The following SPP1 variants were observed in gnomAD, a reference collection of about 807,000 sequenced individuals.
The protein encoded by SPP1 is secreted phosphoprotein 1.
A neutral mutation model predicts 20.8 loss-of-function variants in SPP1; 18 were observed. The observed-to-expected ratio is 0.87, with a 90% CI of 0.60 to 1.29. The LOEUF (loss-of-function observed/expected upper bound fraction) is 1.29. Among genes scored for constraint, SPP1 ranks in the 50% most tolerant of loss-of-function variants. The pLI is 0.00. For synonymous variants in SPP1, 146 were observed against 141.5 expected (o/e 1.03, Z -0.23); for missense variants, 363 against 389.0 (o/e 0.93, Z 0.56).
intron 4 of SPP1, 128 bp from the exon 5 acceptor site, chr4:87,980,263 TTC>T: frequency 6.8e-7 from 1 of 1,472,074 alleles, no homozygotes; most frequent in South Asian, 1.2e-5. Flanking sequence ...CCATGTTGGC[TTC>T]TCTCTGTGTT....
rs956395823 is a variant in SPP1, at chr4:87,982,949, T to G, written c.*53T>G. The G allele has an allele frequency of 6.7e-7, 1 of 1,488,158 alleles. No individual in the cohort carries two copies. The highest frequency in any genetic ancestry group is 2.3e-5 in the East Asian group (1 of 43,846). 92.2% of individuals were successfully genotyped at this position (1,488,158 alleles called of 1,614,324 possible). On this transcript the variant is annotated 3_prime_UTR_variant, in exon 7 of 7. Coordinates refer to ENST00000395080, the MANE Select transcript of SPP1 (RefSeq NM_001040058.2). Reference sequence around the variant, plus strand: ...TGCATTTAGTCAAAAGAAAAAATGCTTTATAGCAAAATGAAAGAGAACATG... The same window carrying G: ...TGCATTTAGTCAAAAGAAAAAATGCGTTATAGCAAAATGAAAGAGAACATG...
chr4:87,982,393 T>C, intron 6 of SPP1, 99 bp from the exon 7 acceptor site: 1 of 1,405,992 alleles, frequency 7.1e-7, no homozygotes, highest in East Asian at 2.4e-5. Context: ...AGACAATTTT[T>C]AGTATAAGAT....
chr4:87,982,830 A>G lies in SPP1; in HGVS notation c.879A>G (p.Glu293=), dbSNP rs925134235. 1.2e-6 allele frequency: 2 copies of G among 1,614,106 alleles called. No homozygotes were observed. The highest frequency in any genetic ancestry group is 8.5e-7 in the Non-Finnish European group (1 of 1,180,038). The change falls in exon 7 of 7, where the codon GAA becomes GAG. Residue 293 remains glutamate (E), a synonymous_variant. Coordinates refer to ENST00000395080, the MANE Select transcript of SPP1 (RefSeq NM_001040058.2). The part of the protein sequence containing the change: ...DMLVVDPKSK[E]EDKHLKFRIS... ...TGGTTGTAGACCCCAAAAGTAAGGA[A>G]GAAGATAAACACCTGAAATTTCGTA...
chr4:87,981,615 G>GTCTGATGAGTCTCACCAT lies in SPP1; in HGVS notation c.366_383dup (p.His124_Ser129dup), dbSNP rs1353423539. The GTCTGATGAGTCTCACCAT allele has an allele frequency of 6.2e-7, 1 of 1,614,196 alleles. No individual in the cohort carries two copies. The highest frequency in any genetic ancestry group is 2.2e-5 in the East Asian group (1 of 44,880). On this transcript the variant is annotated inframe_insertion, in exon 6 of 7. Transcript: ENST00000395080. ...TAGATGACACTGATGATTCTCACCA[G>GTCTGATGAGTCTCACCAT]TCTGATGAGTCTCACCATTCTGATG...
At chr4:87,978,689 C>A (rs1725513980) in intron 3 of SPP1, among the ~76,000 whole-genome samples, 1 of 151,934 alleles carries the variant, frequency 6.6e-6, no homozygotes, top group African/African-American at 2.4e-5. Context: ...GCTGTTTTTT[C>A]ATCTTCTTAA....
chr4:87,982,729 G>A lies in SPP1; in HGVS notation c.778G>A (p.Val260Met), dbSNP rs200683886. 361 of 1,614,150 alleles carry A rather than the reference G, an allele frequency of 2.2e-4. No individual in the cohort carries two copies. The highest frequency in any genetic ancestry group is 2.9e-4 in the Non-Finnish European group (344 of 1,180,030). ...TGATGAGAGCAATGAGCATTCCGATGTGATTGATAGTCAGGAACTTTCCAA... is the reference window on the plus strand; with the variant it reads ...TGATGAGAGCAATGAGCATTCCGATATGATTGATAGTCAGGAACTTTCCAA... Reference protein sequence around the residue: ...ANDESNEHSDVIDSQELSKVS... With the variant: ...ANDESNEHSDMIDSQELSKVS... Residue 260 changes from valine (V) to methionine (M), a missense_variant, in exon 7 of 7, where the codon GTG becomes ATG. Val to Met is a conservative substitution (Grantham distance 21, BLOSUM62 1). Coordinates refer to ENST00000395080, the MANE Select transcript of SPP1 (RefSeq NM_001040058.2).
chr4:87,975,974 T>C (rs1468416539), intron 1 of SPP1, among the ~76,000 whole-genome samples, 174 bp downstream of exon 1: 1 of 152,226 alleles, frequency 6.6e-6, no homozygotes, highest in Non-Finnish European at 1.5e-5. Context: ...GGTGTCTAGA[T>C]ATTTTGAATG....
intron 1 of SPP1, 116 bp downstream of exon 1, chr4:87,975,916 G>A (rs922885679): frequency 1.3e-5 from 2 of 151,550 alleles, no homozygotes; most frequent in Non-Finnish European, 2.9e-5. Flanking sequence ...AAATTTTCTA[G>A]CCTTTTTAAT....
At position 87,976,949 on chromosome 4, in the gene SPP1, AGT is replaced by A. The variant is rs1725403281; in HGVS notation, c.54+2_54+3del. 2.5e-6 allele frequency: 4 copies of A among 1,613,690 alleles called. No individual in the cohort carries two copies. Among genetic ancestry groups the A allele is most frequent in the Non-Finnish European group, 3.4e-6 (4 of 1,179,688 alleles). ...TCCTAGGCATCACCTGTGCCATACC[AGT>A]GAGTACAGTTGCATCTTAAAGAAAA... On this transcript the variant is annotated splice_donor_variant, in intron 2 of 6. Coordinates refer to ENST00000395080, the MANE Select transcript of SPP1 (RefSeq NM_001040058.2). LOFTEE classifies it high-confidence loss of function.
In SPP1 at chr4:87,982,654, G is replaced by C; in HGVS notation, c.703G>C (p.Ala235Pro). The C allele has an allele frequency of 6.2e-7, 1 of 1,614,096 alleles. No homozygotes were observed. The change falls in exon 7 of 7, where the codon GCT becomes CCT. Residue 235 changes from alanine to proline, a missense_variant. Coordinates refer to ENST00000395080, the MANE Select transcript of SPP1 (RefSeq NM_001040058.2). ...YETSQLDDQS[A>P]ETHSHKQSRL... The stretch of plus-strand genomic sequence containing the variant: ...AACGAGTCAGCTGGATGACCAGAGT[G>C]CTGAAACCCACAGCCACAAGCAGTC...
Position 87,977,070 on chromosome 4 carries a change from T to G in SPP1, c.66T>G (p.Ala22=). Residue 22 remains alanine (A), a synonymous_variant, in exon 3 of 7, where the codon GCT becomes GCG. Transcript: ENST00000395080. ...GITCAIPVKQ[A]DSGSSEEKQL... is the part of the protein sequence containing the mutation. ...TTTCTGTTTCTAAGGTTAAACAGGC[T>G]GATTCTGGAAGTTCTGAGGAAAAGC... The G allele has an allele frequency of 6.2e-7, 1 of 1,613,972 alleles. No homozygotes were observed. Among genetic ancestry groups the G allele is most frequent in the Non-Finnish European group, 8.5e-7 (1 of 1,179,950 alleles).
intron 3 of SPP1, 116 bp from the exon 4 acceptor site, chr4:87,979,930 A>T: frequency 1.1e-6 from 1 of 949,478 alleles, no homozygotes; most frequent in Non-Finnish European, 1.6e-6. Context: ...ACAAAAAGGT[A>T]CCTAAGGGTC....
At chr4:87,980,698 G>T in intron 5 of SPP1, 1 of 475,960 alleles carries the variant, frequency 2.1e-6, no homozygotes, top group African/African-American at 2.0e-5. Context: ...GTATTTTGTA[G>T]ATATCTAATA....
Position 87,983,025 on chromosome 4 carries a change from G to C in SPP1, c.*129G>C. ...TTGAATGTGTATCTATTTGAGTCTGGAAATAACTAATGTGTTTGATAATTA... is the reference window on the plus strand; with the variant it reads ...TTGAATGTGTATCTATTTGAGTCTGCAAATAACTAATGTGTTTGATAATTA... On this transcript the variant is annotated 3_prime_UTR_variant, in exon 7 of 7. Coordinates refer to ENST00000395080, the MANE Select transcript of SPP1 (RefSeq NM_001040058.2). The C allele has an allele frequency of 1.0e-6, 1 of 966,926 alleles. No homozygotes were observed. The highest frequency in any genetic ancestry group is 1.5e-6 in the Non-Finnish European group (1 of 673,880). The allele number at this position is 966,926 out of a possible 1,614,324, so 59.9% of individuals were successfully genotyped here.
rs757338944 is a variant in SPP1, at chr4:87,980,061, C to G, written c.109C>G (p.Pro37Ala). ...TTTTTTGTAGCTTTACAACAAATAC[C>G]CAGATGCTGTGGCCACATGGCTAAA... ...SEEKQLYNKY[P>A]DAVATWLNPD... Residue 37 changes from proline (P) to alanine (A), a missense_variant, in exon 4 of 7, where the codon CCA (proline) becomes GCA (alanine). Coordinates refer to ENST00000395080, the MANE Select transcript of SPP1 (RefSeq NM_001040058.2). 6.2e-7 allele frequency: 1 copy of G among 1,613,848 alleles called. No individual in the cohort carries two copies. The highest frequency in any genetic ancestry group is 2.2e-5 in the East Asian group (1 of 44,868).
chr4:87,978,465 G>C (rs1340580992), intron 3 of SPP1, among the ~76,000 whole-genome samples: 2 of 138,672 alleles, frequency 1.4e-5, no homozygotes, highest in East Asian at 4.5e-4. Flanking sequence ...GTGTGATCTC[G>C]GCTCACTGCA....
At chr4:87,977,557 C>G (rs1365049856) in intron 3 of SPP1, 7 of 636,046 alleles carry the variant, frequency 1.1e-5, no homozygotes, top group African/African-American at 2.0e-5. Context: ...AAAAGAAAGT[C>G]TATGTGTGCT....
chr4:87,977,984 G>A (rs938849289), intron 3 of SPP1: 1 of 491,626 alleles, frequency 2.0e-6, no homozygotes, highest in African/African-American at 2.1e-5. Context: ...CATACTATTT[G>A]AGGCAAGAAT....
At chr4:87,977,971 G>T (rs1349342501) in intron 3 of SPP1, 1 of 592,162 alleles carries the variant, frequency 1.7e-6, no homozygotes, top group Non-Finnish European at 2.2e-6. Context: ...AGAAGATAGA[G>T]GTCATACTAT....
Sources: allele counts gnomAD v4.1 joint callset (sites outside exome capture counted in the v4.1 genomes callset), GRCh38; gene constraint gnomAD v4.1.1; transcripts MANE v1.5; gene names NCBI Gene and HGNC (gene_info 2026-07-23, HGNC 2026-07-21).